The following BBS2 variants were observed in gnomAD, a reference collection of about 807,000 sequenced individuals.
BBS2 encodes Bardet-Biedl syndrome 2, also known as BBSome complex member BBS2.
Under a neutral mutation model 83.0 loss-of-function variants are expected in BBS2, and 62 were observed. That is an observed-to-expected ratio of 0.75 (90% CI 0.61 to 0.92). The LOEUF (loss-of-function observed/expected upper bound fraction) is 0.92, where lower values mean the gene tolerates loss of function less well. Among genes scored for constraint, BBS2 ranks in the 40% least tolerant of loss-of-function variants. BBS2 has a pLI of 0.00. For synonymous variants in BBS2, 303 were observed against 326.1 expected, an observed-to-expected ratio of 0.93 and a Z score of 0.76; for missense variants, 784 against 901.0, an observed-to-expected ratio of 0.87 and a Z score of 1.66.
chr16:56,486,162 C>G (rs910036418), intron 15 of BBS2, among the ~76,000 whole-genome samples: 8 of 152,284 alleles, frequency 5.3e-5, no homozygotes, highest in African/African-American at 1.9e-4. Flanking sequence ...GAGATCTATA[C>G]TACACAACAA....
intron 15 of BBS2, among the ~76,000 whole-genome samples, chr16:56,493,891 AT>A (rs1175976007): frequency 6.6e-6 from 1 of 152,186 alleles, no homozygotes; most frequent in Non-Finnish European, 1.5e-5. Flanking sequence ...CTTGGCTAAT[AT>A]TCTTAAATGT....
chr16:56,470,641 A>T (rs548980919), exon 18 of BBS2: 10 of 1,614,162 alleles, frequency 6.2e-6, no homozygotes, highest in Non-Finnish European at 8.5e-6. Flanking sequence ...GATGAATGAT[A>T]AAAAAGAGGC....
At chr16:56,480,366 C>CAAAAAAAAAAAAAAA (rs1157907841), downstream of BBS2, among the ~76,000 whole-genome samples, 2 of 90,256 alleles carry the variant, frequency 2.2e-5, no homozygotes, top group African/African-American at 4.2e-5. Context: ...AAAAAAAAAA[C>CAAAAAAAAAAAAAAA]AAAAAAAAAA....
At chr16:56,474,197 C>T (rs1176796200) in intron 17 of BBS2, among the ~76,000 whole-genome samples, 4 of 151,920 alleles carry the variant, frequency 2.6e-5, no homozygotes, top group African/African-American at 9.7e-5. Flanking sequence ...TAGGTAATAA[C>T]ATGCTGAGAA....
At chr16:56,470,415 G>C, downstream of BBS2, 1 of 1,337,804 alleles carries the variant, frequency 7.5e-7, no homozygotes, top group South Asian at 1.4e-5. Flanking sequence ...CAAAGCTAAC[G>C]ATCAGCTTTT....
At chr16:56,503,270 T>A (rs1964329817) in intron 7 of BBS2, among the ~76,000 whole-genome samples, 6 of 152,300 alleles carry the variant, frequency 3.9e-5, no homozygotes, top group Admixed American at 2.6e-4. Flanking sequence ...CAGTACTATA[T>A]CCCATTGGGT....
Position 56,514,624 on chromosome 16 carries a change from G to A in BBS2, c.174C>T (p.Phe58=), listed in dbSNP as rs1483812430. 1 of 1,614,148 alleles carries A rather than the reference G, an allele frequency of 6.2e-7. No individual in the cohort carries two copies. The change falls in exon 2 of 17, where the codon TTC becomes TTT. Residue 58 remains phenylalanine, a synonymous_variant. Transcript: ENST00000245157. ...AAACATCAGATTCCAGGGGGCTCTG[G>A]AAGACCCTGGATGCACTGACATGCT... The part of the protein sequence containing the change: ...RNQHVSASRV[F]QSPLESDVSL...
intron 17 of BBS2, chr16:56,474,709 A>C: frequency 1.4e-6 from 1 of 703,472 alleles, no homozygotes. Context: ...CTTCAATCAA[A>C]GGTTTGTGGG....
intron 5 of BBS2, among the ~76,000 whole-genome samples, chr16:56,507,721 A>C (rs1964460737): frequency 6.6e-6 from 1 of 152,070 alleles, no homozygotes; most frequent in African/African-American, 2.4e-5. Context: ...TAATCCCAAC[A>C]CTTTGGGAGG....
At chr16:56,502,564 T>A in intron 8 of BBS2, 108 bp from the exon 9 acceptor site, 1 of 1,610,144 alleles carries the variant, frequency 6.2e-7, no homozygotes, top group East Asian at 2.2e-5. Context: ...GGTGAATTTA[T>A]TAGAACTACA....
chr16:56,511,372 A>C, intron 2 of BBS2, 88 bp from the exon 3 acceptor site: 1 of 1,559,476 alleles, frequency 6.4e-7, no homozygotes. Flanking sequence ...TAAACTGAGC[A>C]GATTTTGAGT....
intron 12 of BBS2, 135 bp downstream of exon 12, chr16:56,499,643 C>G: frequency 7.9e-7 from 1 of 1,271,838 alleles, no homozygotes; most frequent in Non-Finnish European, 1.1e-6. Flanking sequence ...AAGCCACCCC[C>G]AAGTTAGAGA....
chr16:56,519,679 G>T, intron 1 of BBS2, 67 bp downstream of exon 1: 1 of 1,354,714 alleles, frequency 7.4e-7, no homozygotes, highest in Non-Finnish European at 1.0e-6. Context: ...CGGGATCCCA[G>T]GGGCGCGGCC....
In BBS2 at chr16:56,498,566, A is replaced by C. The variant is rs545597883; in HGVS notation, c.1530T>G (p.Val510=). 9.3e-6 allele frequency: 15 copies of C among 1,614,080 alleles called. No homozygotes were observed. The highest frequency in any genetic ancestry group is 4.5e-5 in the East Asian group (2 of 44,856). ...GAAAGTTCTGACCGAGCCATACAACAACCTTGAAAATGAACACAATGAAAT... is the reference window on the plus strand; with the variant it reads ...GAAAGTTCTGACCGAGCCATACAACCACCTTGAAAATGAACACAATGAAAT... ...NFTIAERAQR[V]VVWLGQNFLL... is the part of the protein sequence containing the mutation. The change falls in exon 13 of 17, where the codon GTT becomes GTG. Residue 510 remains valine (V), a splice_region_variant and synonymous_variant. Coordinates refer to ENST00000245157, the MANE Select transcript of BBS2 (RefSeq NM_031885.5).
chr16:56,486,829 C>G (rs979846316), intron 15 of BBS2, among the ~76,000 whole-genome samples: 1 of 139,278 alleles, frequency 7.2e-6, no homozygotes, highest in Non-Finnish European at 1.5e-5. Flanking sequence ...ATGGCACGAT[C>G]TCGGATCACT....
At position 56,499,819 on chromosome 16, in the gene BBS2, T is replaced by C. The variant is rs549070573; in HGVS notation, c.1486A>G (p.Ile496Val). The change falls in exon 12 of 17, where the codon ATC becomes GTC. Residue 496 changes from isoleucine to valine, a missense_variant. By Grantham distance (29) the Ile-to-Val change is conservative (BLOSUM62 3). Transcript: ENST00000245157. ...LTSLDPASEPISYVNFTIAER... is the reference protein window; with the variant it reads ...LTSLDPASEPVSYVNFTIAER... ...GCAATGGTAAAGTTAACATAACTGA[T>C]TGGCTCACTGGCAGGGTCCAGGCTG... The C allele has an allele frequency of 2.8e-5, 46 of 1,614,078 alleles. No homozygotes were observed. The East Asian group carries it at 5.1e-4, about 18-fold the overall frequency.
chr16:56,476,324 C>T (rs778999335), intron 17 of BBS2: 3 of 927,016 alleles, frequency 3.2e-6, no homozygotes, highest in Non-Finnish European at 4.8e-6. Flanking sequence ...GTTCTTAAAA[C>T]TGGTTGTCTT....
chr16:56,477,864 T>C (rs904362145), intron 17 of BBS2: 2 of 152,246 alleles, frequency 1.3e-5, no homozygotes, highest in Non-Finnish European at 2.9e-5. Context: ...GAGTATTCAT[T>C]CTTTTCTGAA....
In BBS2 at chr16:56,502,696, AT is replaced by A; in HGVS notation, c.916del (p.Ile306SerfsTer19). 6.2e-7 allele frequency: 1 copy of A among 1,614,204 alleles called. No individual in the cohort carries two copies. Among genetic ancestry groups the A allele is most frequent in the Non-Finnish European group, 8.5e-7 (1 of 1,180,036 alleles). On this transcript the variant is annotated frameshift_variant, in exon 8 of 17. Transcript: ENST00000245157. LOFTEE classifies it high-confidence loss of function. ...DYRMDGHIQL[I>X]CCSVDGEIRG... ...ACTTTCCCCATCCACTGAGCAGCAG[AT>A]TAACTGTATGTGGCCATCCATCCGG... is the stretch of plus-strand genomic sequence containing the variant.
Sources: gnomAD v4.1 joint callset for allele counts (sites outside exome capture counted in the v4.1 genomes callset) on GRCh38, gnomAD v4.1.1 for gene constraint, MANE v1.5 for transcripts, NCBI Gene and HGNC (gene_info 2026-07-23, HGNC 2026-07-21) for gene names.